PPP4R3A: variants seen among roughly 807,000 people sequenced by gnomAD.
The protein encoded by PPP4R3A is serine/threonine-protein phosphatase 4 regulatory subunit 3A.
PPP4R3A carries 15 observed loss-of-function variants against 91.7 expected under a neutral mutation model. The observed-to-expected ratio is 0.16, with a 90% CI of 0.11 to 0.25. The LOEUF (loss-of-function observed/expected upper bound fraction) is 0.25, where lower values mean the gene tolerates loss of function less well. PPP4R3A is among the 10% of genes least tolerant of loss of function. The pLI is 1.00. For synonymous variants in PPP4R3A, 377 were observed against 348.7 expected (o/e 1.08, Z -0.91); for missense variants, 623 against 998.4 (o/e 0.62, Z 5.07).
At chr14:91,471,100 A>AAAGTT in intron 9 of PPP4R3A, 105 bp from the exon 10 acceptor site, 6 of 1,072,736 alleles carry the variant, frequency 5.6e-6, no homozygotes, top group South Asian at 1.8e-5. Context: ...CTATTAACCT[A>AAAGTT]AATATATTAA....
intron 1 of PPP4R3A, among the ~76,000 whole-genome samples, chr14:91,503,419 G>A (rs1891082115): frequency 6.6e-6 from 1 of 152,052 alleles, no homozygotes; most frequent in Non-Finnish European, 1.5e-5. Context: ...CAAGCAGCCG[G>A]GACTACAGGT....
chr14:91,465,152 T>A, intron 11 of PPP4R3A, 98 bp downstream of exon 11: 2 of 895,894 alleles, frequency 2.2e-6, no homozygotes, highest in African/African-American at 1.7e-5. Flanking sequence ...TTTAAATCTC[T>A]CCAAATATTA....
chr14:91,464,837 C>T (rs987226217), intron 11 of PPP4R3A, among the ~76,000 whole-genome samples: 1 of 152,184 alleles, frequency 6.6e-6, no homozygotes, highest in Non-Finnish European at 1.5e-5. Flanking sequence ...TTTCCACCAA[C>T]TGGGGTGGGA....
chr14:91,491,595 T>C (rs1313686514), intron 1 of PPP4R3A, among the ~76,000 whole-genome samples: 1 of 151,682 alleles, frequency 6.6e-6, no homozygotes, highest in South Asian at 2.1e-4. Context: ...TTAGTAGAGA[T>C]GGTGTTTCAC....
At chr14:91,491,012 T>C (rs1682862385) in intron 1 of PPP4R3A, among the ~76,000 whole-genome samples, 1 of 151,192 alleles carries the variant, frequency 6.6e-6, no homozygotes, top group Non-Finnish European at 1.5e-5. Flanking sequence ...CTCAAGAGAT[T>C]CTCCTGCCTC....
intron 1 of PPP4R3A, among the ~76,000 whole-genome samples, chr14:91,501,708 C>CTTT (rs11382091): frequency 4.3e-5 from 6 of 137,996 alleles, no homozygotes; most frequent in East Asian, 2.1e-4. Context: ...CTAAAGTGTG[C>CTTT]TTTTTTTTTT....
intron 1 of PPP4R3A, among the ~76,000 whole-genome samples, chr14:91,509,206 C>T (rs1891608976): frequency 6.6e-6 from 1 of 152,192 alleles, no homozygotes; most frequent in African/African-American, 2.4e-5. Flanking sequence ...ACAGCACACT[C>T]CGGACTCCCT....
chr14:91,506,246 C>A (rs1002858272), intron 1 of PPP4R3A, among the ~76,000 whole-genome samples: 1 of 152,088 alleles, frequency 6.6e-6, no homozygotes, highest in East Asian at 1.9e-4. Context: ...TGTGCCCGGC[C>A]GAAAATATCT....
chr14:91,464,246 G>A (rs1158453152), intron 11 of PPP4R3A, among the ~76,000 whole-genome samples: 1 of 152,036 alleles, frequency 6.6e-6, no homozygotes, highest in Non-Finnish European at 1.5e-5. Context: ...GCATGAACCT[G>A]GGAGGTGGAA....
At chr14:91,507,306 A>G (rs749689198) in intron 1 of PPP4R3A, among the ~76,000 whole-genome samples, 5 of 147,792 alleles carry the variant, frequency 3.4e-5, no homozygotes, top group Non-Finnish European at 7.4e-5. Context: ...GGGAGACAAG[A>G]GCAAAACCCA....
intron 1 of PPP4R3A, among the ~76,000 whole-genome samples, chr14:91,493,180 GGAGTTT>G (rs1294180235): frequency 6.6e-6 from 1 of 152,140 alleles, no homozygotes; most frequent in African/African-American, 2.4e-5. Context: ...CTTGAGGTCA[GGAGTTT>G]GAGACCAGCC....
At chr14:91,465,521 C>T in intron 10 of PPP4R3A, 102 bp from the exon 11 acceptor site, 1 of 983,046 alleles carries the variant, frequency 1.0e-6, no homozygotes, top group Non-Finnish European at 1.4e-6. Flanking sequence ...CTGTTTAACA[C>T]ATATCAATAA....
chr14:91,487,595 T>C (rs1438292642), intron 2 of PPP4R3A, among the ~76,000 whole-genome samples: 2 of 152,212 alleles, frequency 1.3e-5, no homozygotes, highest in African/African-American at 4.8e-5. Flanking sequence ...TGGGTATCCA[T>C]CAGGATGATA....
At chr14:91,491,285 C>G (rs562543387) in intron 1 of PPP4R3A, among the ~76,000 whole-genome samples, 1 of 151,966 alleles carries the variant, frequency 6.6e-6, no homozygotes, top group South Asian at 2.1e-4. Context: ...GTCTCCAACT[C>G]CTGGGCTCAA....
chr14:91,460,176 TA>T (rs1888037535), intron 14 of PPP4R3A, among the ~76,000 whole-genome samples: 1 of 151,930 alleles, frequency 6.6e-6, no homozygotes, highest in Non-Finnish European at 1.5e-5. Context: ...CACACGCGGC[TA>T]ATGTTTTTGT....
At chr14:91,489,643 G>C (rs1306758790) in intron 2 of PPP4R3A, among the ~76,000 whole-genome samples, 1 of 152,050 alleles carries the variant, frequency 6.6e-6, no homozygotes, top group Non-Finnish European at 1.5e-5. Flanking sequence ...CTTAAGATGT[G>C]CTTTTACTCT....
chr14:91,477,014 T>C (rs1025688810), intron 4 of PPP4R3A, 28 bp from the exon 5 acceptor site: 13 of 1,524,728 alleles, frequency 8.5e-6, no homozygotes, highest in Non-Finnish European at 1.2e-5. Flanking sequence ...AATGCAATTA[T>C]GTTAATGCTA....
At chr14:91,462,626 C>T (rs1888230406) in intron 12 of PPP4R3A, 109 bp downstream of exon 12, 1 of 1,209,058 alleles carries the variant, frequency 8.3e-7, no homozygotes, top group Non-Finnish European at 1.2e-6. Context: ...TATTTGCTAT[C>T]TGCTGATTTC....
At chr14:91,461,815 T>C (rs1888179264) in intron 13 of PPP4R3A, 1 of 857,498 alleles carries the variant, frequency 1.2e-6, no homozygotes, top group Non-Finnish European at 1.7e-6. Context: ...TTCAGAATCA[T>C]ATTTAGTATC....
Sources: gnomAD v4.1 joint callset for allele counts (sites outside exome capture counted in the v4.1 genomes callset) on GRCh38, gnomAD v4.1.1 for gene constraint, MANE v1.5 for transcripts, NCBI Gene and HGNC (gene_info 2026-07-23, HGNC 2026-07-21) for gene names.